TRAPPC9: variants seen among roughly 807,000 people sequenced by gnomAD.
TRAPPC9 encodes IKK2 binding protein.
A neutral mutation model predicts 124.0 loss-of-function variants in TRAPPC9; 83 were observed. The observed-to-expected ratio is 0.67, with a 90% CI of 0.56 to 0.80. TRAPPC9 has a LOEUF of 0.80. Ranked by LOEUF, TRAPPC9 falls within the 30% of genes least tolerant of loss-of-function variation. The pLI is 0.00. For missense variants in TRAPPC9, 1,302 were observed against 1,508.3 expected, an observed-to-expected ratio of 0.86 and a Z score of 2.27; for synonymous variants, 638 against 617.5, an observed-to-expected ratio of 1.03 and a Z score of -0.49.
chr8:140,421,984 C>CAAAAAAAAAA lies in TRAPPC9; in HGVS notation c.886+4621_886+4630dup, dbSNP rs35152459. 2.0e-4 allele frequency among the ~76,000 whole-genome samples: 9 copies of CAAAAAAAAAA among 43,948 alleles called. 1 individual carries two copies. Among genetic ancestry groups the CAAAAAAAAAA allele is most frequent in the Non-Finnish European group, 2.7e-4 (7 of 25,722 alleles). The allele number at this position is 43,948 out of a possible 152,430, so 28.8% of individuals were successfully genotyped here. ...AATGAAGAGATAAGGTCCCTCATGA[C>CAAAAAAAAAA]AAAAAAAAAAAAAAAAAAAAAAAAC... On this transcript the variant is annotated intron_variant, in intron 5 of 22. Coordinates refer to ENST00000438773, the MANE Select transcript of TRAPPC9 (RefSeq NM_001160372.4).
intron 21 of TRAPPC9, among the ~76,000 whole-genome samples, chr8:139,785,415 T>G (rs1405450377): frequency 6.6e-6 from 1 of 152,152 alleles, no homozygotes; most frequent in Non-Finnish European, 1.5e-5. Context: ...AAGAAAACCT[T>G]GGCCTGGCAG....
intron 3 of TRAPPC9, among the ~76,000 whole-genome samples, chr8:140,435,817 C>T (rs1303202472): frequency 6.6e-6 from 1 of 152,180 alleles, no homozygotes. Flanking sequence ...ACGTAACAAC[C>T]TAATAATCTC....
intron 17 of TRAPPC9, among the ~76,000 whole-genome samples, chr8:140,176,380 C>A (rs2062072507): frequency 6.6e-6 from 1 of 152,224 alleles, no homozygotes; most frequent in African/African-American, 2.4e-5. Context: ...GACAGTTTCA[C>A]TTTGCACATT....
intron 17 of TRAPPC9, among the ~76,000 whole-genome samples, chr8:140,043,259 G>C: frequency 6.6e-6 from 1 of 152,212 alleles, no homozygotes; most frequent in Non-Finnish European, 1.5e-5. Context: ...AATTGGAAAA[G>C]AGGGTAAAGA....
chr8:139,971,043 C>T (rs1836029540), intron 19 of TRAPPC9, among the ~76,000 whole-genome samples: 1 of 152,086 alleles, frequency 6.6e-6, no homozygotes, highest in Non-Finnish European at 1.5e-5. Context: ...CTCCTACCCA[C>T]ACATCCCGGA....
intron 14 of TRAPPC9, among the ~76,000 whole-genome samples, chr8:140,281,253 G>A (rs1018227903): frequency 1.3e-5 from 2 of 152,136 alleles, no homozygotes; most frequent in African/African-American, 4.8e-5. Flanking sequence ...CATCCCCATC[G>A]GCCTCGCACG....
At chr8:140,264,671 G>A (rs2064558858) in intron 15 of TRAPPC9, among the ~76,000 whole-genome samples, 1 of 152,000 alleles carries the variant, frequency 6.6e-6, no homozygotes, top group South Asian at 2.1e-4. Flanking sequence ...CCCAGGAAAT[G>A]TAGACAAAGG....
chr8:140,020,142 C>T (rs1405083103), intron 18 of TRAPPC9, among the ~76,000 whole-genome samples: 1 of 152,106 alleles, frequency 6.6e-6, no homozygotes, highest in Non-Finnish European at 1.5e-5. Context: ...TCTGACCACC[C>T]TAGTTACAAT....
chr8:139,770,516 C>G (rs10090980), intron 21 of TRAPPC9, among the ~76,000 whole-genome samples: 12,570 of 152,220 alleles, frequency 0.083, 526 homozygotes, highest in Middle Eastern at 0.1. Flanking sequence ...GGCCTGGGTC[C>G]CCACGGGGCC....
chr8:140,418,323 GA>G (rs199604219), intron 5 of TRAPPC9, among the ~76,000 whole-genome samples: 4,235 of 152,272 alleles, frequency 0.028, 121 homozygotes, highest in African/African-American at 0.072. Flanking sequence ...GAAAACATAA[GA>G]GGAAGGAACG....
At chr8:140,237,811 G>A (rs2063760522) in intron 16 of TRAPPC9, among the ~76,000 whole-genome samples, 1 of 152,162 alleles carries the variant, frequency 6.6e-6, no homozygotes, top group South Asian at 2.1e-4. Flanking sequence ...CGGTGACAAT[G>A]TGGAAGATAG....
intron 17 of TRAPPC9, among the ~76,000 whole-genome samples, chr8:140,030,631 A>G (rs1490383194): frequency 6.6e-6 from 1 of 152,240 alleles, no homozygotes; most frequent in Admixed American, 6.5e-5. Context: ...AGGTGACCAA[A>G]TAAACAAATT....
intron 5 of TRAPPC9, among the ~76,000 whole-genome samples, chr8:140,424,315 T>C (rs2070346892): frequency 6.6e-6 from 1 of 151,712 alleles, no homozygotes; most frequent in South Asian, 2.1e-4. Context: ...GTAAAGTAGT[T>C]GCTGAATGTA....
At chr8:139,946,095 A>AGG (rs1186389642) in intron 19 of TRAPPC9, among the ~76,000 whole-genome samples, 1 of 152,198 alleles carries the variant, frequency 6.6e-6, no homozygotes, top group Non-Finnish European at 1.5e-5. Context: ...GAAATCCCCA[A>AGG]GGGGGGAGGT....
intron 2 of TRAPPC9, among the ~76,000 whole-genome samples, chr8:140,442,920 G>C (rs1353067380): frequency 6.6e-6 from 1 of 151,642 alleles, no homozygotes; most frequent in Non-Finnish European, 1.5e-5. Flanking sequence ...GGATCACAAA[G>C]TTAAGAGATA....
In TRAPPC9 at chr8:140,283,259, AAATAT is replaced by A. The variant is rs1173679707; in HGVS notation, c.2114+625_2114+629del. Among the ~76,000 whole-genome samples the A allele has an allele frequency of 1.6e-4, 24 of 150,308 alleles. 1 individual carries two copies. In the South Asian group the frequency reaches 2.3e-3, roughly 14 times the overall value. On this transcript the variant is annotated intron_variant, in intron 14 of 22. Coordinates refer to ENST00000438773, the MANE Select transcript of TRAPPC9 (RefSeq NM_001160372.4). ...TCTCAAAAAATTAATTAATTAATTA[AAATAT>A]AATATAATATAAAAGTTTAATTAAA... is the stretch of plus-strand genomic sequence containing the variant.
intron 17 of TRAPPC9, among the ~76,000 whole-genome samples, chr8:140,076,374 G>A (rs1357883998): frequency 6.6e-6 from 1 of 152,208 alleles, no homozygotes; most frequent in East Asian, 1.9e-4. Context: ...CGTGAGAGCT[G>A]CATCCTTGCT....
At chr8:140,151,854 A>G (rs950108576) in intron 17 of TRAPPC9, among the ~76,000 whole-genome samples, 9 of 152,130 alleles carry the variant, frequency 5.9e-5, no homozygotes, top group East Asian at 5.8e-4. Context: ...TCAAATCTTT[A>G]CCACAACCCT....
intron 7 of TRAPPC9, among the ~76,000 whole-genome samples, chr8:140,393,576 G>A (rs1384485762): frequency 6.6e-6 from 1 of 151,908 alleles, no homozygotes; most frequent in African/African-American, 2.4e-5. Flanking sequence ...TCCGTAAAAC[G>A]AAAAAACCCT....
Sources: allele counts gnomAD v4.1 joint callset (sites outside exome capture counted in the v4.1 genomes callset), GRCh38; gene constraint gnomAD v4.1.1; transcripts MANE v1.5; gene names NCBI Gene and HGNC (gene_info 2026-07-23, HGNC 2026-07-21).